SP6: variants seen among roughly 807,000 people sequenced by gnomAD.
SP6 encodes Sp6 transcription factor.
SP6 carries 10 observed loss-of-function variants against 23.4 expected under a neutral mutation model. The ratio of observed to expected loss-of-function variants is 0.43; its 90% CI spans 0.26 to 0.72. The LOEUF is 0.72. Among genes scored for constraint, SP6 ranks in the 30% least tolerant of loss-of-function variants. SP6 has a pLI of 0.23. For synonymous variants in SP6, 238 were observed against 238.7 expected (o/e 1.00, Z 0.03); for missense variants, 482 against 523.8 (o/e 0.92, Z 0.78).
chr17:47,868,991 C>T, the SP6 span, among the ~76,000 whole-genome samples: 3 of 152,218 alleles, frequency 2.0e-5, no homozygotes, highest in Admixed American at 1.3e-4. Flanking sequence ...GCACCAGAGC[C>T]GGGCTGTCTG....
At chr17:47,869,713 T>TG in the SP6 span, among the ~76,000 whole-genome samples, 1 of 152,182 alleles carries the variant, frequency 6.6e-6, no homozygotes, top group Non-Finnish European at 1.5e-5. Flanking sequence ...TCCTTACTTT[T>TG]GGGGGGTTTA....
At position 47,847,272 on chromosome 17, in the gene SP6, AC is replaced by A; in HGVS notation, c.*26del. On this transcript the variant is annotated 3_prime_UTR_variant, in exon 2 of 2. Transcript: ENST00000536300. ...GCTCGCATCCAGTGCCCCCCGGGATACCCGCAGGGAGGCGGCACTGAGGAGC... is the reference window on the plus strand; with the variant it reads ...GCTCGCATCCAGTGCCCCCCGGGATACCGCAGGGAGGCGGCACTGAGGAGC... 6.8e-7 allele frequency: 1 copy of A among 1,478,552 alleles called. No individual in the cohort carries two copies. 91.6% of individuals were successfully genotyped at this position (1,478,552 alleles called of 1,614,324 possible).
At chr17:47,857,695 T>C (rs2034007692), upstream of SP6, among the ~76,000 whole-genome samples, 1 of 152,130 alleles carries the variant, frequency 6.6e-6, no homozygotes, top group Non-Finnish European at 1.5e-5. Context: ...TGTGTTTTCC[T>C]AACACCAGTG....
At chr17:47,874,906 C>A in the SP6 span, among the ~76,000 whole-genome samples, 1 of 152,096 alleles carries the variant, frequency 6.6e-6, no homozygotes, top group African/African-American at 2.4e-5. Context: ...GAGGACTCTG[C>A]CCCCTCCACC....
At position 47,848,750 on chromosome 17, in the gene SP6, C is replaced by T. The variant is rs2033924603; in HGVS notation, c.-57-264G>A. Among the ~76,000 whole-genome samples the T allele has an allele frequency of 1.3e-5, 2 of 152,174 alleles. No individual in the cohort carries two copies. Among genetic ancestry groups the T allele is most frequent in the South Asian group, 2.1e-4 (1 of 4,820 alleles). On this transcript the variant is annotated intron_variant, in intron 1 of 1. Coordinates refer to ENST00000536300, the MANE Select transcript of SP6 (RefSeq NM_001258248.2). The surrounding 1 kb of genome is among the most constrained non-coding windows in gnomAD (Gnocchi z 5.3). Reference sequence around the variant, plus strand: ...CTCATCCCTAGAGTTGGGCCACTCCCAGGATGGTAGGTCAGATACACCTAC... The same window carrying T: ...CTCATCCCTAGAGTTGGGCCACTCCTAGGATGGTAGGTCAGATACACCTAC...
At chr17:47,858,647 G>T (rs983534476), upstream of SP6, among the ~76,000 whole-genome samples, 4 of 152,016 alleles carry the variant, frequency 2.6e-5, no homozygotes, top group African/African-American at 9.7e-5. Flanking sequence ...AAATTCTGTG[G>T]AAGTGTCAAC....
At chr17:47,866,075 C>G in the SP6 span, among the ~76,000 whole-genome samples, 2 of 152,158 alleles carry the variant, frequency 1.3e-5, no homozygotes, top group African/African-American at 2.4e-5. Flanking sequence ...TTGCCCTCCT[C>G]CTCTCCCTCA....
At chr17:47,854,404 T>A (rs533245109), upstream of SP6, among the ~76,000 whole-genome samples, 4 of 152,338 alleles carry the variant, frequency 2.6e-5, no homozygotes, top group South Asian at 8.3e-4. Context: ...TACCCAAGAT[T>A]ACAGAGTTGT....
chr17:47,866,555 G>A, the SP6 span, among the ~76,000 whole-genome samples: 1 of 152,236 alleles, frequency 6.6e-6, no homozygotes. Context: ...CTAGTTTTAA[G>A]CCAGGGTGAA....
the SP6 span, among the ~76,000 whole-genome samples, chr17:47,872,308 C>T: frequency 6.6e-6 from 1 of 152,208 alleles, no homozygotes; most frequent in Non-Finnish European, 1.5e-5. Flanking sequence ...AGGTCTCTCT[C>T]CCCGAGACAA....
intron 1 of SP6, among the ~76,000 whole-genome samples, chr17:47,850,249 G>A (rs1416552768): frequency 2.0e-5 from 3 of 152,172 alleles, no homozygotes; most frequent in Non-Finnish European, 4.4e-5. Flanking sequence ...CCAGGCCTGG[G>A]ATGCAATGGC....
At position 47,847,073 on chromosome 17, in the gene SP6, G is replaced by T; in HGVS notation, c.*226C>A. On this transcript the variant is annotated 3_prime_UTR_variant, in exon 2 of 2. Coordinates refer to ENST00000536300, the MANE Select transcript of SP6 (RefSeq NM_001258248.2). ...AAACTGTGAGGCAGGGGAGAACAGA[G>T]GGGCATTGCGCAGCTCCTACCGACC... 1 of 567,760 alleles carries T rather than the reference G, an allele frequency of 1.8e-6. No individual in the cohort carries two copies. The highest frequency in any genetic ancestry group is 3.1e-6 in the Non-Finnish European group (1 of 323,992). 35.2% of individuals were successfully genotyped at this position (567,760 alleles called of 1,614,324 possible).
chr17:47,847,460 T>C lies in SP6; in HGVS notation c.970A>G (p.Met324Val). ...FPCAVCSRVF[M>V]RSDHLAKHMK... ...TGCTTGGCCAGGTGGTCGCTGCGCA[T>C]GAAGACGCGGCTGCAGACTGCACAG... is the stretch of plus-strand genomic sequence containing the variant. Residue 324 changes from methionine to valine, a missense_variant, in exon 2 of 2, where the codon ATG (methionine) becomes GTG (valine). By Grantham distance (21) the Met-to-Val change is conservative. Transcript: ENST00000536300. 1 of 1,613,740 alleles carries C rather than the reference T, an allele frequency of 6.2e-7. No homozygotes were observed. The highest frequency in any genetic ancestry group is 8.5e-7 in the Non-Finnish European group (1 of 1,179,916).
At chr17:47,849,200 A>T (rs2033930070) in intron 1 of SP6, among the ~76,000 whole-genome samples, 3 of 151,892 alleles carry the variant, frequency 2.0e-5, no homozygotes, top group Admixed American at 2.0e-4. Context: ...TCTGGGAGAT[A>T]CCCCCACCAG....
Position 47,848,636 on chromosome 17 carries a change from G to A in SP6, c.-57-150C>T, listed in dbSNP as rs1379613682. The stretch of plus-strand genomic sequence containing the variant: ...GAGTTTAGAGAATTCGGGAGTGCGA[G>A]GAAGGGTCCAAGATGTGAGGTTCTC... On this transcript the variant is annotated intron_variant, in intron 1 of 1. Transcript: ENST00000536300. The surrounding 1 kb of genome is among the most constrained non-coding windows in gnomAD (Gnocchi z 5.3). 5.6e-6 allele frequency: 3 copies of A among 535,076 alleles called. No homozygotes were observed. The highest frequency in any genetic ancestry group is 9.9e-6 in the Non-Finnish European group (3 of 301,800). 33.1% of individuals were successfully genotyped at this position (535,076 alleles called of 1,614,324 possible).
At chr17:47,876,248 G>A in the SP6 span, among the ~76,000 whole-genome samples, 2 of 152,228 alleles carry the variant, frequency 1.3e-5, no homozygotes, top group African/African-American at 4.8e-5. Flanking sequence ...ATCAATGGAT[G>A]TTTATTGAAC....
At chr17:47,866,537 G>A in the SP6 span, among the ~76,000 whole-genome samples, 1 of 152,216 alleles carries the variant, frequency 6.6e-6, no homozygotes, top group Non-Finnish European at 1.5e-5. Context: ...TTCCAGTGAT[G>A]TGGAAACCTA....
upstream of SP6, chr17:47,855,962 G>A (rs1277525143): frequency 6.6e-6 from 1 of 152,268 alleles, no homozygotes; most frequent in Non-Finnish European, 1.5e-5. Flanking sequence ...TGGGCAGTGG[G>A]AGAGGGACAA....
upstream of SP6, among the ~76,000 whole-genome samples, chr17:47,854,154 C>A (rs879256011): frequency 6.6e-6 from 1 of 152,156 alleles, no homozygotes; most frequent in Admixed American, 6.5e-5. Flanking sequence ...AGTGTCCAAC[C>A]CCCATTCCTG....
Sources: allele counts gnomAD v4.1 joint callset (sites outside exome capture counted in the v4.1 genomes callset), GRCh38; gene constraint gnomAD v4.1.1; non-coding constraint Gnocchi (gnomAD v3.1); transcripts MANE v1.5; gene names NCBI Gene and HGNC (gene_info 2026-07-23, HGNC 2026-07-21).